The following ARMH4 variants were observed in gnomAD, a reference collection of about 807,000 sequenced individuals.
ARMH4 encodes armadillo like helical domain containing 4.
In ARMH4, 49 loss-of-function variants were observed where a neutral mutation model predicts 61.9. The ratio of observed to expected loss-of-function variants is 0.79; its 90% CI spans 0.63 to 1.00. The LOEUF is 1.00. Ranked by LOEUF, ARMH4 falls within the 50% of genes least tolerant of loss-of-function variation. ARMH4 has a pLI of 0.00. For missense variants in ARMH4, 934 were observed against 930.0 expected (o/e 1.00, Z -0.06); for synonymous variants, 368 against 341.5 (o/e 1.08, Z -0.85).
At chr14:58,116,524 A>C in intron 4 of ARMH4, 1 of 238,324 alleles carries the variant, frequency 4.2e-6, no homozygotes, top group Non-Finnish European at 9.0e-6. Flanking sequence ...AAAAATACAA[A>C]AGTTGGCTGG....
In ARMH4 at chr14:58,004,651, CA is replaced by C; in HGVS notation, c.*84del. On this transcript the variant is annotated 3_prime_UTR_variant, in exon 8 of 8. Coordinates refer to ENST00000267485, the MANE Select transcript of ARMH4 (RefSeq NM_001001872.4). ...TAACGGCCTGATAGCAGCAATGTGGCAGGTTGTTCTTTTTTTTTTTCTGCTC... is the reference window on the plus strand; with the variant it reads ...TAACGGCCTGATAGCAGCAATGTGGCGGTTGTTCTTTTTTTTTTTCTGCTC... The C allele has an allele frequency of 8.7e-7, 1 of 1,147,180 alleles. No homozygotes were observed. Among genetic ancestry groups the C allele is most frequent in the Non-Finnish European group, 1.3e-6 (1 of 777,688 alleles). 71.1% of individuals were successfully genotyped at this position (1,147,180 alleles called of 1,614,324 possible).
rs544260613 is a variant in ARMH4, at chr14:58,138,362, T to C, written c.997A>G (p.Asn333Asp). Reference protein sequence around the residue: ...SRIRTPKLGDNEETQVRTEMS... With the variant: ...SRIRTPKLGDDEETQVRTEMS... ...TCCGTTCTCACCTGAGTCTCTTCAT[T>C]GTCTCCAAGCTTGGGGGTCCTTATC... The change falls in exon 2 of 8, where the codon AAT (asparagine) becomes GAT (aspartate). Residue 333 changes from asparagine to aspartate, a missense_variant. Transcript: ENST00000267485. 132 of 1,614,202 alleles carry C rather than the reference T, an allele frequency of 8.2e-5. 2 individuals carry two copies. In the South Asian group the frequency reaches 1.3e-3, roughly 16 times the overall value.
intron 5 of ARMH4, among the ~76,000 whole-genome samples, chr14:58,014,751 G>T (rs1242994270): frequency 2.6e-5 from 4 of 152,144 alleles, no homozygotes; most frequent in African/African-American, 9.7e-5. Flanking sequence ...TGAGAAAGGG[G>T]TTAGGCCACC....
intron 5 of ARMH4, among the ~76,000 whole-genome samples, chr14:58,056,599 T>C (rs1884357339): frequency 6.6e-6 from 1 of 152,156 alleles, no homozygotes; most frequent in Non-Finnish European, 1.5e-5. Flanking sequence ...CAGGTCTTCC[T>C]TCATACTAAG....
chr14:58,138,436 G>C lies in ARMH4; in HGVS notation c.923C>G (p.Ser308Cys), dbSNP rs1255036553. The C allele has an allele frequency of 3.0e-5, 49 of 1,614,142 alleles. No homozygotes were observed. The highest frequency in any genetic ancestry group is 4.1e-5 in the Non-Finnish European group (48 of 1,180,058). Reference sequence around the variant, plus strand: ...GTCATCCCACTCATCACTTAAGGCAGAGGCAGCTGGAACAGCTGTGCTGAC... The same window carrying C: ...GTCATCCCACTCATCACTTAAGGCACAGGCAGCTGGAACAGCTGTGCTGAC... ...VSVSTAVPAA[S>C]ALSDEWDDTK... Residue 308 changes from serine to cysteine, a missense_variant, in exon 2 of 8, where the codon TCT becomes TGT. Physicochemically the swap from Ser to Cys is moderately radical, Grantham distance 112. Transcript: ENST00000267485.
chr14:58,138,672 T>A lies in ARMH4; in HGVS notation c.687A>T (p.Thr229=). ...CAGGAAAAGAAGTTGTCCTGTGGTC[T>A]GTGTCTGCTTCAAATTTCTCAGTCT... ...NPKTEKFEAD[T]DHRTTSFPGA... is the part of the protein sequence containing the mutation. Residue 229 remains threonine, a synonymous_variant, in exon 2 of 8, where the codon ACA becomes ACT. Coordinates refer to ENST00000267485, the MANE Select transcript of ARMH4 (RefSeq NM_001001872.4). 1 of 1,614,166 alleles carries A rather than the reference T, an allele frequency of 6.2e-7. No individual in the cohort carries two copies. Among genetic ancestry groups the A allele is most frequent in the Non-Finnish European group, 8.5e-7 (1 of 1,180,028 alleles).
intron 1 of ARMH4, chr14:58,141,499 C>T (rs956455251): frequency 1.1e-5 from 6 of 539,424 alleles, no homozygotes; most frequent in African/African-American, 7.7e-5. Flanking sequence ...GCTGCGCCTG[C>T]GAGGTGGCAT....
In ARMH4 at chr14:58,131,547, G is replaced by GCT. The variant is rs748906388; in HGVS notation, c.1794_1795dup (p.Ala599GlufsTer71). Reference sequence around the variant, plus strand: ...AAGTTGGTCCAGGCCATATGAGGCAGCTGTATTAACACGAGTAATAGATGG... The same window carrying GCT: ...AAGTTGGTCCAGGCCATATGAGGCAGCTCTGTATTAACACGAGTAATAGATGG... On this transcript the variant is annotated frameshift_variant, in exon 4 of 8. Transcript: ENST00000267485. LOFTEE classifies it high-confidence loss of function. 1 of 1,614,198 alleles carries GCT rather than the reference G, an allele frequency of 6.2e-7. No homozygotes were observed. The highest frequency in any genetic ancestry group is 8.5e-7 in the Non-Finnish European group (1 of 1,180,028).
chr14:58,015,334 T>G (rs1882570525), intron 5 of ARMH4, among the ~76,000 whole-genome samples: 1 of 152,176 alleles, frequency 6.6e-6, no homozygotes, highest in African/African-American at 2.4e-5. Context: ...CAAAATATTC[T>G]TGGCTGGAGA....
intron 6 of ARMH4, among the ~76,000 whole-genome samples, chr14:58,009,193 A>C (rs753190501): frequency 1.3e-5 from 2 of 152,184 alleles, no homozygotes; most frequent in African/African-American, 2.4e-5. Flanking sequence ...GGTAAGTTTC[A>C]CCAAGAAGAT....
chr14:58,036,740 A>C (rs1883498258), intron 5 of ARMH4, among the ~76,000 whole-genome samples: 1 of 116,990 alleles, frequency 8.5e-6, no homozygotes, highest in South Asian at 3.0e-4. Context: ...AATCACAAGC[A>C]TTCTTATACA....
intron 4 of ARMH4, among the ~76,000 whole-genome samples, chr14:58,117,926 T>TC (rs1252524982): frequency 4.4e-4 from 51 of 114,838 alleles, no homozygotes; most frequent in African/African-American, 1.4e-3. Flanking sequence ...ACCCAGCTAA[T>TC]TAAAAAAAAA....
At chr14:58,069,411 A>G (rs1235925055) in intron 5 of ARMH4, among the ~76,000 whole-genome samples, 2 of 152,236 alleles carry the variant, frequency 1.3e-5, no homozygotes, top group Non-Finnish European at 2.9e-5. Flanking sequence ...TAAAAATACA[A>G]TATAACACTA....
chr14:58,145,119 T>C (rs572240759), intron 1 of ARMH4, among the ~76,000 whole-genome samples: 2 of 152,336 alleles, frequency 1.3e-5, no homozygotes, highest in Admixed American at 1.3e-4. Context: ...TTGGCCCACA[T>C]GATCCCATAC....
chr14:58,131,867 C>T (rs2078299305), intron 3 of ARMH4, 146 bp from the exon 4 acceptor site: 1 of 669,956 alleles, frequency 1.5e-6, no homozygotes, highest in Non-Finnish European at 2.6e-6. Context: ...TCTCCTTTCC[C>T]ATATTGTATT....
intron 5 of ARMH4, among the ~76,000 whole-genome samples, chr14:58,048,565 A>G (rs1015817686): frequency 2.0e-5 from 3 of 152,206 alleles, no homozygotes; most frequent in Non-Finnish European, 2.9e-5. Flanking sequence ...TCAGCACTTT[A>G]TGCTTGTCTG....
rs756078789 is a variant in ARMH4, at chr14:58,004,708, G to T, written c.*28C>A. 9.2e-6 allele frequency: 14 copies of T among 1,523,730 alleles called. No homozygotes were observed. Among genetic ancestry groups the T allele is most frequent in the South Asian group, 7.0e-5 (6 of 85,494 alleles). The allele number at this position is 1,523,730 out of a possible 1,614,324, so 94.4% of individuals were successfully genotyped here. A position where few individuals can be genotyped will look rare whatever the true frequency, so the allele number is the denominator to read the frequency against. ...TAAAAATTAGAATAGTAGCATCGTT[G>T]AATATCCCAATTAAAACCCAGTCCA... On this transcript the variant is annotated 3_prime_UTR_variant, in exon 8 of 8. Transcript: ENST00000267485.
At chr14:58,127,595 G>A (rs986170228) in intron 4 of ARMH4, among the ~76,000 whole-genome samples, 10 of 152,200 alleles carry the variant, frequency 6.6e-5, no homozygotes, top group East Asian at 3.9e-4. Context: ...GGGATTATAC[G>A]CAACACTCAA....
At chr14:58,077,625 A>G (rs1387184069) in intron 5 of ARMH4, among the ~76,000 whole-genome samples, 5 of 152,166 alleles carry the variant, frequency 3.3e-5, no homozygotes, top group African/African-American at 1.2e-4. Context: ...AGAGAGAGAG[A>G]GAGCAAGAGT....
Sources: gnomAD v4.1 joint callset for allele counts (sites outside exome capture counted in the v4.1 genomes callset) on GRCh38, gnomAD v4.1.1 for gene constraint, MANE v1.5 for transcripts, NCBI Gene and HGNC (gene_info 2026-07-23, HGNC 2026-07-21) for gene names.